RGS7: variants seen among roughly 807,000 people sequenced by gnomAD.
The protein encoded by RGS7 is regulator of G protein signaling 7, also known as regulator of G-protein signaling 7.
In RGS7, 27 loss-of-function variants were observed where a neutral mutation model predicts 81.1. That is an observed-to-expected ratio of 0.33 (90% CI 0.25 to 0.46). The LOEUF (loss-of-function observed/expected upper bound fraction) is 0.46. RGS7 is among the 20% of genes least tolerant of loss of function. The probability of loss-of-function intolerance (pLI) is 1.00; values close to 1 mark genes in which losing one functional copy is unlikely to be tolerated. For synonymous variants in RGS7, 208 were observed against 207.7 expected (o/e 1.00, Z -0.01); for missense variants, 396 against 607.4 (o/e 0.65, Z 3.66).
At chr1:240,916,977 A>G (rs1427393287) in intron 6 of RGS7, among the ~76,000 whole-genome samples, 1 of 152,188 alleles carries the variant, frequency 6.6e-6, no homozygotes, top group South Asian at 2.1e-4. Context: ...AGAACCAAAC[A>G]TGAAGAGAAA....
At chr1:240,861,129 C>T (rs575536641) in intron 9 of RGS7, among the ~76,000 whole-genome samples, 3 of 152,152 alleles carry the variant, frequency 2.0e-5, no homozygotes, top group South Asian at 2.1e-4. Context: ...TCAGGGTCAA[C>T]GAAAATGCTA....
chr1:240,981,943 G>A (rs3911618), intron 4 of RGS7, among the ~76,000 whole-genome samples: 56,994 of 152,036 alleles, frequency 0.37, 12,110 homozygotes, highest in East Asian at 0.67. Context: ...CCTCTCTATC[G>A]ATAGAAGGGT....
intron 2 of RGS7, among the ~76,000 whole-genome samples, chr1:241,145,702 C>T (rs942937045): frequency 6.6e-6 from 1 of 152,170 alleles, no homozygotes; most frequent in Non-Finnish European, 1.5e-5. Flanking sequence ...CGAGATCATG[C>T]TCCTGCATTC....
intron 4 of RGS7, among the ~76,000 whole-genome samples, chr1:240,938,552 T>G (rs1486439018): frequency 2.6e-5 from 4 of 152,182 alleles, no homozygotes; most frequent in African/African-American, 9.6e-5. Context: ...TGTTAAATTT[T>G]TATCTGTTTT....
chr1:241,179,999 T>C (rs569715005), intron 2 of RGS7, among the ~76,000 whole-genome samples: 29 of 152,078 alleles, frequency 1.9e-4, no homozygotes, highest in Middle Eastern at 3.2e-3. Flanking sequence ...AAACGAAATG[T>C]TATGAGGTTC....
intron 3 of RGS7, among the ~76,000 whole-genome samples, chr1:241,045,951 C>T (rs577108402): frequency 1.1e-4 from 16 of 152,286 alleles, no homozygotes; most frequent in African/African-American, 3.8e-4. Flanking sequence ...TATGGGCCAG[C>T]TTCACACAAT....
At position 241,037,443 on chromosome 1, in the gene RGS7, G is replaced by A. The variant is rs551583581; in HGVS notation, c.176-54314C>T. On this transcript the variant is annotated intron_variant, in intron 3 of 18. Coordinates refer to ENST00000440928, the MANE Select transcript of RGS7 (RefSeq NM_001364886.1). ...GCCCATCAATCAACAAATGGAGGCC[G>A]GGCCCAGTGGCTCATGCCTGTAATC... 4.3e-4 allele frequency among the ~76,000 whole-genome samples: 66 copies of A among 152,230 alleles called. 1 individual carries two copies. The highest frequency in any genetic ancestry group is 1.0e-3 in the African/African-American group (43 of 41,552).
At chr1:241,033,231 G>T (rs2060167666) in intron 3 of RGS7, among the ~76,000 whole-genome samples, 1 of 152,050 alleles carries the variant, frequency 6.6e-6, no homozygotes, top group Non-Finnish European at 1.5e-5. Flanking sequence ...CACACCTGTG[G>T]TCCCACCTAC....
At chr1:240,910,291 C>T (rs1671537308) in intron 6 of RGS7, among the ~76,000 whole-genome samples, 1 of 152,080 alleles carries the variant, frequency 6.6e-6, no homozygotes, top group Non-Finnish European at 1.5e-5. Context: ...GGGCGTTTGG[C>T]CCTTGAAACC....
At chr1:241,247,149 T>C (rs2076587196) in intron 2 of RGS7, among the ~76,000 whole-genome samples, 1 of 152,164 alleles carries the variant, frequency 6.6e-6, no homozygotes. Flanking sequence ...CTGTAGGCTA[T>C]AAGCTCTTTC....
At chr1:241,005,679 C>A (rs1465426727) in intron 3 of RGS7, among the ~76,000 whole-genome samples, 1 of 152,040 alleles carries the variant, frequency 6.6e-6, no homozygotes, top group Non-Finnish European at 1.5e-5. Context: ...GGATTACAGG[C>A]ATCCATCACC....
intron 18 of RGS7, among the ~76,000 whole-genome samples, chr1:240,790,967 A>G (rs1187929186): frequency 6.6e-6 from 1 of 152,232 alleles, no homozygotes; most frequent in Non-Finnish European, 1.5e-5. Flanking sequence ...TCAGGTGAAC[A>G]GTGTTGATAA....
chr1:241,207,115 C>CA (rs1558188960), intron 2 of RGS7, among the ~76,000 whole-genome samples: 5 of 151,374 alleles, frequency 3.3e-5, no homozygotes, highest in African/African-American at 1.2e-4. Flanking sequence ...ACTACAGGTG[C>CA]CCACCACCAC....
At chr1:241,142,368 C>T (rs1039377786) in intron 2 of RGS7, among the ~76,000 whole-genome samples, 7 of 152,212 alleles carry the variant, frequency 4.6e-5, no homozygotes, top group African/African-American at 1.4e-4. Flanking sequence ...AGCAGGGCTT[C>T]TCCATGAAAG....
intron 2 of RGS7, among the ~76,000 whole-genome samples, chr1:241,161,437 CTAA>C (rs113258040): frequency 1.9e-4 from 28 of 150,000 alleles, no homozygotes; most frequent in South Asian, 4.2e-4. Flanking sequence ...ATAATAATAA[CTAA>C]TAATAACTAA....
At chr1:240,897,819 T>C (rs12733325) in intron 6 of RGS7, among the ~76,000 whole-genome samples, 19,376 of 152,080 alleles carry the variant, frequency 0.13, 1,328 homozygotes, top group Middle Eastern at 0.18. Context: ...GGAGGATTCC[T>C]TCTTTTTCTA....
chr1:241,081,727 G>GCAA (rs2063145103), intron 3 of RGS7, among the ~76,000 whole-genome samples: 1 of 152,322 alleles, frequency 6.6e-6, no homozygotes, highest in Non-Finnish European at 1.5e-5. Context: ...TTAAGGATAG[G>GCAA]CAAACAGTAT....
chr1:241,003,285 C>A (rs2058506367), intron 3 of RGS7, among the ~76,000 whole-genome samples: 1 of 151,894 alleles, frequency 6.6e-6, no homozygotes. Flanking sequence ...CACAGCGAAA[C>A]CCTGTCTCTA....
chr1:241,257,709 C>T (rs946761010), intron 2 of RGS7, among the ~76,000 whole-genome samples: 1 of 152,112 alleles, frequency 6.6e-6, no homozygotes, highest in African/African-American at 2.4e-5. Flanking sequence ...TCTCATTCTC[C>T]TACCCTCCTT....
Sources: allele counts gnomAD v4.1 joint callset (sites outside exome capture counted in the v4.1 genomes callset), GRCh38; gene constraint gnomAD v4.1.1; transcripts MANE v1.5; gene names NCBI Gene and HGNC (gene_info 2026-07-23, HGNC 2026-07-21).